The following SLIT3 variants were observed in gnomAD, a reference collection of about 807,000 sequenced individuals.
SLIT3 encodes the protein slit homolog 3 protein.
In SLIT3, 68 loss-of-function variants were observed where a neutral mutation model predicts 184.0. That is an observed-to-expected ratio of 0.37 (90% CI 0.30 to 0.45). SLIT3 has a LOEUF of 0.45. Ranked by LOEUF, SLIT3 falls within the 20% of genes least tolerant of loss-of-function variation. The pLI is 1.00. For missense variants in SLIT3, 1,707 were observed against 2,026.0 expected (o/e 0.84, Z 3.02); for synonymous variants, 831 against 828.6 (o/e 1.00, Z -0.05).
At chr5:169,251,521 C>T in intron 1 of SLIT3, 62 bp from the exon 2 acceptor site, 1 of 1,137,576 alleles carries the variant, frequency 8.8e-7, no homozygotes, top group Non-Finnish European at 1.3e-6. Flanking sequence ...CTATTTAATC[C>T]AGACTGGCTT....
At chr5:169,071,825 G>A (rs76991733) in intron 4 of SLIT3, among the ~76,000 whole-genome samples, 8,329 of 152,210 alleles carry the variant, frequency 0.055, 306 homozygotes, top group Non-Finnish European at 0.077. Context: ...TTCCTTGTGC[G>A]AGTGGTTAGG....
chr5:168,954,610 C>G (rs922419471), intron 4 of SLIT3, among the ~76,000 whole-genome samples: 2 of 152,140 alleles, frequency 1.3e-5, no homozygotes, highest in Non-Finnish European at 2.9e-5. Flanking sequence ...AGACAAGTAA[C>G]ACGTGAAGAA....
At chr5:169,239,927 C>T (rs1433602418) in intron 3 of SLIT3, among the ~76,000 whole-genome samples, 1 of 152,020 alleles carries the variant, frequency 6.6e-6, no homozygotes, top group Non-Finnish European at 1.5e-5. Flanking sequence ...ACATTTTCCT[C>T]TGAGCATGGC....
At chr5:168,741,582 A>T (rs186885766) in intron 20 of SLIT3, among the ~76,000 whole-genome samples, 1 of 152,196 alleles carries the variant, frequency 6.6e-6, no homozygotes, top group African/African-American at 2.4e-5. Context: ...ACAAACAGTG[A>T]ATGAGACACA....
intron 4 of SLIT3, among the ~76,000 whole-genome samples, chr5:168,958,225 C>T (rs186802727): frequency 1.1e-4 from 17 of 152,276 alleles, no homozygotes; most frequent in African/African-American, 3.1e-4. Context: ...AAAGCTATCA[C>T]GGATTCAGAA....
At chr5:169,200,486 G>A (rs1763875961) in intron 3 of SLIT3, among the ~76,000 whole-genome samples, 1 of 152,168 alleles carries the variant, frequency 6.6e-6, no homozygotes, top group South Asian at 2.1e-4. Flanking sequence ...ACCCCCAATG[G>A]AGAGAGGGAG....
At chr5:169,219,529 C>T (rs757124747) in intron 3 of SLIT3, among the ~76,000 whole-genome samples, 1 of 152,218 alleles carries the variant, frequency 6.6e-6, no homozygotes, top group Non-Finnish European at 1.5e-5. Context: ...CATCAACCAA[C>T]ACCTACCTGC....
rs1416225320 is a variant in SLIT3 at position 169,127,979 on chromosome 5, T to C, written c.413+65500A>G. Among the ~76,000 whole-genome samples the C allele has an allele frequency of 2.0e-5, 3 of 152,274 alleles. No individual in the cohort carries two copies. The East Asian group carries it at 5.8e-4, about 29-fold the overall frequency. ...AATAAATAAGGAGGGAAGCATCCTA[T>C]TTTAAAAATTATTTCTCAAGGCATT... On this transcript the variant is annotated intron_variant, in intron 4 of 35. Transcript: ENST00000519560.
intron 9 of SLIT3, among the ~76,000 whole-genome samples, chr5:168,805,002 A>G (rs1452664026): frequency 6.6e-6 from 1 of 152,198 alleles, no homozygotes; most frequent in African/African-American, 2.4e-5. Flanking sequence ...TCCTCCAGAT[A>G]GCCATTTGGT....
At chr5:169,146,645 G>A (rs1761935471) in intron 4 of SLIT3, among the ~76,000 whole-genome samples, 1 of 152,080 alleles carries the variant, frequency 6.6e-6, no homozygotes, top group Non-Finnish European at 1.5e-5. Context: ...TGCTCTCCCT[G>A]CTTCTCTAAG....
At position 168,796,122 on chromosome 5, in the gene SLIT3, C is replaced by T. The variant is rs150073292; in HGVS notation, c.936-544G>A. 3.4e-4 allele frequency among the ~76,000 whole-genome samples: 52 copies of T among 152,330 alleles called. No homozygotes were observed. The East Asian group carries it at 8.3e-3, about 24-fold the overall frequency. The stretch of plus-strand genomic sequence containing the variant: ...AACAGCCTTAACGTCTTTAGGCTCC[C>T]AGCCTGACATTCATCAAACTGGCTC... On this transcript the variant is annotated intron_variant, in intron 9 of 35. Coordinates refer to ENST00000519560, the MANE Select transcript of SLIT3 (RefSeq NM_003062.4).
rs545915160 is a variant in SLIT3 at position 168,716,851 on chromosome 5, T to C, written c.2484-4497A>G. Among the ~76,000 whole-genome samples the C allele has an allele frequency of 1.1e-4, 16 of 150,658 alleles. 1 individual carries two copies. The South Asian group carries it at 3.1e-3, about 30-fold the overall frequency. On this transcript the variant is annotated intron_variant, in intron 23 of 35. Transcript: ENST00000519560. Reference sequence around the variant, plus strand: ...CTGCGATGGGGAAGCAGGTAGAATGTGGTAGAAAGAGCACTGGGCTAGGAG... The same window carrying C: ...CTGCGATGGGGAAGCAGGTAGAATGCGGTAGAAAGAGCACTGGGCTAGGAG...
At chr5:169,292,697 G>GAGT (rs1484206077) in intron 1 of SLIT3, among the ~76,000 whole-genome samples, 1 of 152,220 alleles carries the variant, frequency 6.6e-6, no homozygotes, top group African/African-American at 2.4e-5. Flanking sequence ...ATGGGGAAAG[G>GAGT]AGTAGTTAAT....
intron 4 of SLIT3, among the ~76,000 whole-genome samples, chr5:169,097,944 G>A (rs1759850219): frequency 4.6e-5 from 7 of 152,180 alleles, no homozygotes. Context: ...GGAACCCCCA[G>A]GGAGCCTGAA....
In SLIT3 at chr5:169,176,893, C is replaced by T. The variant is rs918446257; in HGVS notation, c.413+16586G>A. Among the ~76,000 whole-genome samples, 36 of 152,344 alleles carry T rather than the reference C, an allele frequency of 2.4e-4. 1 individual carries two copies. Among genetic ancestry groups the T allele is most frequent in the African/African-American group, 8.7e-4 (36 of 41,570 alleles). ...GGGCCAACCTCCCTCTTTCTGCCAGCACCCTCTTAGAAATCCACCTCGAGG... is the reference window on the plus strand; with the variant it reads ...GGGCCAACCTCCCTCTTTCTGCCAGTACCCTCTTAGAAATCCACCTCGAGG... On this transcript the variant is annotated intron_variant, in intron 4 of 35. Coordinates refer to ENST00000519560, the MANE Select transcript of SLIT3 (RefSeq NM_003062.4).
chr5:168,992,782 T>G (rs956804675), intron 4 of SLIT3, among the ~76,000 whole-genome samples: 1 of 152,222 alleles, frequency 6.6e-6, no homozygotes, highest in African/African-American at 2.4e-5. Flanking sequence ...CTGCATGGAA[T>G]GTATTTTCCA....
At chr5:169,236,375 G>T (rs1354443838) in intron 3 of SLIT3, among the ~76,000 whole-genome samples, 1 of 152,028 alleles carries the variant, frequency 6.6e-6, no homozygotes, top group Non-Finnish European at 1.5e-5. Flanking sequence ...GTGTGAAAAT[G>T]ATTTTAAAAA....
intron 1 of SLIT3, among the ~76,000 whole-genome samples, chr5:169,265,633 C>T (rs764889438): frequency 5.9e-5 from 9 of 152,194 alleles, no homozygotes; most frequent in Admixed American, 2.0e-4. Context: ...GGTTATTTAA[C>T]TCATCCCTAA....
At chr5:168,725,222 G>C (rs1403316454) in intron 20 of SLIT3, among the ~76,000 whole-genome samples, 1 of 152,120 alleles carries the variant, frequency 6.6e-6, no homozygotes, top group Non-Finnish European at 1.5e-5. Context: ...AGATCTGCCT[G>C]GACTTCAGCA....
Sources: gnomAD v4.1 joint callset for allele counts (sites outside exome capture counted in the v4.1 genomes callset) on GRCh38, gnomAD v4.1.1 for gene constraint, MANE v1.5 for transcripts, NCBI Gene and HGNC (gene_info 2026-07-23, HGNC 2026-07-21) for gene names.